Variants in UST observed in about 807,000 individuals in gnomAD.
UST encodes the protein chondroitin sulfate 2-O-sulfotransferase.
UST carries 21 observed loss-of-function variants against 45.6 expected under a neutral mutation model. The observed-to-expected ratio is 0.46, with a 90% confidence interval of 0.33 to 0.66. UST has a LOEUF of 0.66. UST is among the 30% of genes least tolerant of loss of function. The probability of loss-of-function intolerance (pLI) is 0.02; values close to 1 mark genes in which losing one functional copy is unlikely to be tolerated. For missense variants in UST, 463 were observed against 512.4 expected (o/e 0.90, Z 0.93); for synonymous variants, 215 against 200.6 (o/e 1.07, Z -0.61).
intron 5 of UST, among the ~76,000 whole-genome samples, chr6:149,006,886 AC>A (rs1444556360): frequency 1.3e-5 from 2 of 152,110 alleles, no homozygotes; most frequent in African/African-American, 2.4e-5. Context: ...TTCCATAACC[AC>A]AGAGTCAACA....
At chr6:148,966,702 G>A (rs1266802651) in intron 5 of UST, among the ~76,000 whole-genome samples, 2 of 152,154 alleles carry the variant, frequency 1.3e-5, no homozygotes, top group African/African-American at 2.4e-5. Context: ...GCAAATGTGA[G>A]GGGAAAAAAT....
chr6:148,932,459 A>G (rs2114912102), intron 2 of UST, among the ~76,000 whole-genome samples: 1 of 152,312 alleles, frequency 6.6e-6, no homozygotes, highest in Admixed American at 6.5e-5. Context: ...TTGTGTACTG[A>G]CCACAGAAGC....
intron 7 of UST, among the ~76,000 whole-genome samples, chr6:149,064,412 G>A (rs191794582): frequency 7.2e-5 from 11 of 152,316 alleles, no homozygotes; most frequent in Admixed American, 7.2e-4. Flanking sequence ...AGGATTAAAT[G>A]TGTGTTTAGA....
At chr6:148,946,638 T>C (rs1386334655) in intron 3 of UST, among the ~76,000 whole-genome samples, 6 of 150,420 alleles carry the variant, frequency 4.0e-5, no homozygotes, top group Non-Finnish European at 7.4e-5. Context: ...GGTGAAACCC[T>C]GTCTCTACTA....
intron 1 of UST, among the ~76,000 whole-genome samples, chr6:148,872,464 T>C (rs1466018080): frequency 7.0e-6 from 1 of 143,314 alleles, no homozygotes; most frequent in East Asian, 1.9e-4. Flanking sequence ...TCTCTTCGGA[T>C]TTCCAACTTG....
chr6:148,871,523 G>C (rs189482858), intron 1 of UST, among the ~76,000 whole-genome samples: 1 of 152,208 alleles, frequency 6.6e-6, no homozygotes, highest in Admixed American at 6.5e-5. Context: ...GCACAGGCCT[G>C]GTCTCCTATG....
intron 5 of UST, among the ~76,000 whole-genome samples, chr6:148,979,444 C>T (rs1320704194): frequency 6.6e-6 from 1 of 152,140 alleles, no homozygotes; most frequent in Non-Finnish European, 1.5e-5. Flanking sequence ...GGCTAGGGCT[C>T]ATTCACCTCT....
At chr6:148,906,072 G>A (rs900544362) in intron 2 of UST, among the ~76,000 whole-genome samples, 1 of 148,682 alleles carries the variant, frequency 6.7e-6, no homozygotes, top group African/African-American at 2.6e-5. Flanking sequence ...TATCCAGAAT[G>A]AACTTGTCAG....
chr6:148,940,112 T>C (rs111858379), intron 2 of UST, among the ~76,000 whole-genome samples: 5 of 152,142 alleles, frequency 3.3e-5, no homozygotes, highest in African/African-American at 1.2e-4. Context: ...CTCAACATCA[T>C]TAGTCACAGG....
At chr6:148,871,758 A>G (rs1229425738) in intron 1 of UST, among the ~76,000 whole-genome samples, 2 of 152,184 alleles carry the variant, frequency 1.3e-5, no homozygotes, top group Non-Finnish European at 2.9e-5. Context: ...TTAGAGAAAG[A>G]ATTTCATTAC....
intron 2 of UST, among the ~76,000 whole-genome samples, chr6:148,895,173 C>T (rs1249434389): frequency 2.0e-5 from 3 of 152,028 alleles, no homozygotes; most frequent in Admixed American, 1.3e-4. Context: ...GTTTTCCCCC[C>T]AACCTTCTTT....
intron 1 of UST, among the ~76,000 whole-genome samples, chr6:148,764,670 G>T (rs1249705461): frequency 6.6e-6 from 1 of 152,164 alleles, no homozygotes; most frequent in Admixed American, 6.5e-5. Flanking sequence ...TGTAAAACCA[G>T]CAAGTTTTTA....
chr6:148,862,653 G>A (rs1402001541), intron 1 of UST, among the ~76,000 whole-genome samples: 3 of 152,202 alleles, frequency 2.0e-5, no homozygotes, highest in African/African-American at 7.2e-5. Context: ...TCCTTTCCAT[G>A]TTTAGGGCTT....
rs558331796 is a variant in UST at position 149,007,165 on chromosome 6, G to A, written c.682-11974G>A. The stretch of plus-strand genomic sequence containing the variant: ...GATGGAGTCTCACTCTGTTGCCCAG[G>A]CTGGAGTGCAGTGGTGTGGTCTTGG... On this transcript the variant is annotated intron_variant, in intron 5 of 7. Transcript: ENST00000367463. 3.6e-5 allele frequency among the ~76,000 whole-genome samples: 5 copies of A among 138,104 alleles called. No individual in the cohort carries two copies. The Admixed American group carries it at 3.9e-4, about 11-fold the overall frequency. 90.6% of individuals were successfully genotyped at this position (138,104 alleles called of 152,430 possible). A position where few individuals can be genotyped will look rare whatever the true frequency, so the allele number is the denominator to read the frequency against.
At chr6:149,023,104 GT>G (rs1776001925) in intron 7 of UST, among the ~76,000 whole-genome samples, 2 of 5,236 alleles carry the variant, frequency 3.8e-4, no homozygotes, top group Admixed American at 3.2e-3. Flanking sequence ...GTTCTATGGT[GT>G]GTGTGTGTGT....
intron 5 of UST, among the ~76,000 whole-genome samples, chr6:148,985,280 T>A (rs1781218991): frequency 6.6e-6 from 1 of 152,130 alleles, no homozygotes; most frequent in South Asian, 2.1e-4. Context: ...TGCTCAGTAA[T>A]TATCTGCTGA....
In UST at chr6:149,009,582, CAT is replaced by C. The variant is rs1491363543; in HGVS notation, c.682-9555_682-9554del. 6.3e-3 allele frequency among the ~76,000 whole-genome samples: 924 copies of C among 147,728 alleles called. 3 individuals are homozygous for C. The highest frequency in any genetic ancestry group is 0.056 in the Middle Eastern group (16 of 288). ...TAAAACACACACACACACACACACACATAGACAGACACACATCACCTGCAAGT... is the reference window on the plus strand; with the variant it reads ...TAAAACACACACACACACACACACACAGACAGACACACATCACCTGCAAGT... On this transcript the variant is annotated intron_variant, in intron 5 of 7. Coordinates refer to ENST00000367463, the MANE Select transcript of UST (RefSeq NM_005715.3).
chr6:149,058,678 C>T (rs751853853), intron 7 of UST, among the ~76,000 whole-genome samples: 144 of 152,252 alleles, frequency 9.5e-4, no homozygotes, highest in Non-Finnish European at 1.3e-3. Flanking sequence ...AATAAAAACA[C>T]ATTTCTCAAT....
chr6:148,839,527 A>G (rs921543931), intron 1 of UST, among the ~76,000 whole-genome samples: 4 of 152,196 alleles, frequency 2.6e-5, no homozygotes, highest in Non-Finnish European at 4.4e-5. Context: ...ATCTTTTGAC[A>G]TGATTTCATA....
Sources: allele counts gnomAD v4.1 joint callset (sites outside exome capture counted in the v4.1 genomes callset), GRCh38; gene constraint gnomAD v4.1.1; transcripts MANE v1.5; gene names NCBI Gene and HGNC (gene_info 2026-07-23, HGNC 2026-07-21).